LTBP1: variants seen among roughly 807,000 people sequenced by gnomAD.
LTBP1 encodes the protein latent transforming growth factor beta binding protein 1, also known as latent-transforming growth factor beta-binding protein 1.
A neutral mutation model predicts 207.6 loss-of-function variants in LTBP1; 129 were observed. The ratio of observed to expected loss-of-function variants is 0.62; its 90% confidence interval spans 0.54 to 0.72. LTBP1 has a LOEUF of 0.72. Ranked by LOEUF, LTBP1 falls within the 30% of genes least tolerant of loss-of-function variation. The pLI, the probability that LTBP1 is intolerant of heterozygous loss-of-function variation, is 0.00. For synonymous variants in LTBP1, 963 were observed against 833.7 expected (o/e 1.16, Z -2.67); for missense variants, 2,281 against 2,217.2 (o/e 1.03, Z -0.58).
chr2:33,301,493 A>G lies in LTBP1; in HGVS notation c.3359-29A>G, dbSNP rs757670479. On this transcript the variant is annotated intron_variant, in intron 21 of 33. Transcript: ENST00000404816. ...AAAATGTTTTTGAAGCACCACTTCC[A>G]CAGTTTCTTTGTATTCTCTTGCTCA... The G allele has an allele frequency of 3.9e-6, 6 of 1,546,562 alleles. No homozygotes were observed. The Middle Eastern group carries it at 5.2e-4, about 134-fold the overall frequency.
At chr2:33,383,283 G>A (rs1459624592) in intron 31 of LTBP1, among the ~76,000 whole-genome samples, 1 of 152,230 alleles carries the variant, frequency 6.6e-6, no homozygotes, top group South Asian at 2.1e-4. Context: ...AATCTGGGAG[G>A]TGGAGATTGC....
intron 5 of LTBP1, among the ~76,000 whole-genome samples, chr2:33,169,207 T>C (rs989203233): frequency 1.3e-5 from 2 of 152,216 alleles, no homozygotes; most frequent in Non-Finnish European, 2.9e-5. Context: ...GGGGAACGTT[T>C]CTCTGCTTTT....
At chr2:33,093,769 C>T (rs956687655) in intron 3 of LTBP1, among the ~76,000 whole-genome samples, 1 of 151,706 alleles carries the variant, frequency 6.6e-6, no homozygotes, top group Non-Finnish European at 1.5e-5. Flanking sequence ...AATTGAATTC[C>T]ACTGAGAACT....
intron 11 of LTBP1, among the ~76,000 whole-genome samples, chr2:33,253,100 C>G (rs2092728573): frequency 6.6e-6 from 1 of 152,160 alleles, no homozygotes; most frequent in Non-Finnish European, 1.5e-5. Context: ...TATATTTTAT[C>G]TTCAATTTCC....
chr2:33,118,190 C>CA (rs1399685000), intron 4 of LTBP1, among the ~76,000 whole-genome samples: 17,451 of 80,738 alleles, frequency 0.22, 1,275 homozygotes, highest in Non-Finnish European at 0.27. Flanking sequence ...AACTTGTGTG[C>CA]AAAAAAAAAA....
Position 33,398,498 on chromosome 2 carries a change from C to G in LTBP1, c.5119C>G (p.Pro1707Ala), listed in dbSNP as rs2095380241. 4 of 1,614,184 alleles carry G rather than the reference C, an allele frequency of 2.5e-6. No homozygotes were observed. Among genetic ancestry groups the G allele is most frequent in the Middle Eastern group, 1.6e-4 (1 of 6,062 alleles). The change falls in exon 34 of 34, where the codon CCG becomes GCG. Residue 1707 changes from proline (P) to alanine (A), a missense_variant. By Grantham distance (27) the Pro-to-Ala change is conservative. This residue lies in a region of LTBP1 where 1,671 missense variants were observed against 1,634.8 expected (regional missense o/e 1.02). Transcript: ENST00000404816. ...TTCTGACAAGCCAAACTACTGCACT[C>G]CGTTGAATACCGCCTTGAATTTAGA... is the stretch of plus-strand genomic sequence containing the variant. ...VPSDKPNYCT[P>A]LNTALNLEKD... is the part of the protein sequence containing the mutation.
chr2:33,182,554 C>T (rs953001236), intron 5 of LTBP1, among the ~76,000 whole-genome samples: 8 of 150,290 alleles, frequency 5.3e-5, no homozygotes, highest in Non-Finnish European at 1.2e-4. Flanking sequence ...CCCAGCTACT[C>T]GGAAGGCTGA....
At chr2:33,338,459 T>C (rs1240132387) in intron 24 of LTBP1, among the ~76,000 whole-genome samples, 2 of 152,228 alleles carry the variant, frequency 1.3e-5, no homozygotes, top group African/African-American at 4.8e-5. Flanking sequence ...CTTCTCTTTC[T>C]CCTCCTTAGC....
chr2:33,278,825 A>G (rs2093499509), intron 18 of LTBP1, among the ~76,000 whole-genome samples: 1 of 152,238 alleles, frequency 6.6e-6, no homozygotes, highest in East Asian at 1.9e-4. Context: ...CTGACCTAAA[A>G]AAACCACTAT....
rs1331153833 is a variant in LTBP1, at chr2:33,378,185, A to ATATGTG, written c.4712-10998_4712-10997insATGTGT. 3.0e-4 allele frequency among the ~76,000 whole-genome samples: 40 copies of ATATGTG among 132,044 alleles called. No homozygotes were observed. In the East Asian group the frequency reaches 4.8e-3, roughly 16 times the overall value. The allele number at this position is 132,044 out of a possible 152,430, so 86.6% of individuals were successfully genotyped here. ...ACATTTTACTTTCATATATATATAT[A>ATATGTG]TGTGTGTGTGTGTGTGTGTGTGTGT... On this transcript the variant is annotated intron_variant, in intron 31 of 33. Coordinates refer to ENST00000404816, the MANE Select transcript of LTBP1 (RefSeq NM_206943.4).
chr2:33,068,648 G>C (rs911338046), intron 3 of LTBP1, among the ~76,000 whole-genome samples: 1 of 151,952 alleles, frequency 6.6e-6, no homozygotes, highest in Admixed American at 6.6e-5. Context: ...TTATTATTTT[G>C]ATAATATTTG....
intron 13 of LTBP1, among the ~76,000 whole-genome samples, chr2:33,261,150 A>G (rs1308423979): frequency 6.6e-6 from 1 of 152,182 alleles, no homozygotes; most frequent in Non-Finnish European, 1.5e-5. Context: ...CTGCCATTGT[A>G]ATCAGTGGGG....
chr2:32,980,568 GTTA>G (rs1295481681), intron 2 of LTBP1, among the ~76,000 whole-genome samples: 2 of 152,060 alleles, frequency 1.3e-5, no homozygotes, highest in Non-Finnish European at 2.9e-5. Context: ...AAAAGTTGTA[GTTA>G]TTATTTTTGA....
intron 2 of LTBP1, among the ~76,000 whole-genome samples, chr2:32,990,087 A>C (rs1684176478): frequency 1.3e-5 from 2 of 152,228 alleles, no homozygotes; most frequent in African/African-American, 4.8e-5. Flanking sequence ...CCTGGGTGAC[A>C]GAGCAAGACC....
chr2:33,219,751 C>T (rs77821313), intron 8 of LTBP1, among the ~76,000 whole-genome samples: 1 of 152,070 alleles, frequency 6.6e-6, no homozygotes, highest in African/African-American at 2.4e-5. Flanking sequence ...CATTTACCCC[C>T]TTCTTTGTGT....
Position 33,188,369 on chromosome 2 carries a change from A to G in LTBP1, c.1427-208A>G, listed in dbSNP as rs182402829. Among the ~76,000 whole-genome samples the G allele has an allele frequency of 1.6e-3, 232 of 147,610 alleles. 1 individual carries two copies. Among genetic ancestry groups the G allele is most frequent in the South Asian group, 0.012 (55 of 4,646 alleles). Reference sequence around the variant, plus strand: ...CTGGGATGCAGAGGTTGAGGTTGCAATGAGCTGAGATCGAGCCATTGCACA... The same window carrying G: ...CTGGGATGCAGAGGTTGAGGTTGCAGTGAGCTGAGATCGAGCCATTGCACA... On this transcript the variant is annotated intron_variant, in intron 6 of 33. Transcript: ENST00000404816.
chr2:33,273,159 G>A (rs1454399950), intron 15 of LTBP1, among the ~76,000 whole-genome samples: 1 of 152,238 alleles, frequency 6.6e-6, no homozygotes. Context: ...TCTTTGGGGG[G>A]ATTAATGATA....
intron 32 of LTBP1, among the ~76,000 whole-genome samples, chr2:33,390,882 C>A (rs2095309165): frequency 6.6e-6 from 1 of 152,116 alleles, no homozygotes; most frequent in Non-Finnish European, 1.5e-5. Flanking sequence ...CTGTCCTGGG[C>A]CCTGTCACCT....
intron 26 of LTBP1, among the ~76,000 whole-genome samples, chr2:33,347,900 C>A (rs935301652): frequency 6.6e-6 from 1 of 152,176 alleles, no homozygotes; most frequent in Non-Finnish European, 1.5e-5. Flanking sequence ...TGTCTTGACA[C>A]TTCTCTAAAT....
Sources: gnomAD v4.1 joint callset for allele counts (sites outside exome capture counted in the v4.1 genomes callset) on GRCh38, gnomAD v4.1.1 for gene constraint, gnomAD v4.1.1 regional missense constraint, MANE v1.5 for transcripts, NCBI Gene and HGNC (gene_info 2026-07-23, HGNC 2026-07-21) for gene names.